Variants in USP35 observed in about 807,000 individuals in gnomAD.
USP35 encodes the protein ubiquitin specific peptidase 35.
Under a neutral mutation model 83.8 loss-of-function variants are expected in USP35, and 69 were observed. That is an observed-to-expected ratio of 0.82 (90% confidence interval 0.68 to 1.01). USP35 has a LOEUF of 1.01. Ranked by LOEUF, USP35 falls within the 50% of genes least tolerant of loss-of-function variation. USP35 has a pLI of 0.00. For missense variants in USP35, 1,503 were observed against 1,362.5 expected (o/e 1.10, Z -1.62); for synonymous variants, 714 against 589.5 (o/e 1.21, Z -3.06).
At chr11:78,205,683 C>T (rs145036764) in intron 6 of USP35, among the ~76,000 whole-genome samples, 159 bp from the exon 7 acceptor site, 36 of 152,250 alleles carry the variant, frequency 2.4e-4, no homozygotes, top group African/African-American at 7.2e-4. Flanking sequence ...GGTTTGGAAG[C>T]AGGGGGCTGT....
At chr11:78,200,058 C>T (rs571803061) in intron 4 of USP35, 75 bp from the exon 5 acceptor site, 5 of 1,508,998 alleles carry the variant, frequency 3.3e-6, no homozygotes, top group African/African-American at 1.4e-5. Context: ...TCTCTGAGTC[C>T]CCTCTCAGGC....
chr11:78,209,676 C>T lies in USP35; in HGVS notation c.1821C>T (p.Arg607=). The change falls in exon 10 of 11, where the codon CGC becomes CGT. Residue 607 remains arginine (R), a synonymous_variant. Transcript: ENST00000529308. The part of the protein sequence containing the change: ...SLAFPPPERC[R]RRRLGSVMRP... ...CCTTCCCTCCTCCTGAGCGCTGTCG[C>T]CGCCGCCGCCTGGGCTCTGTGATGC... 3.7e-6 allele frequency: 6 copies of T among 1,613,546 alleles called. No individual in the cohort carries two copies. In the South Asian group the frequency reaches 6.6e-5, roughly 18 times the overall value.
At chr11:78,204,186 G>A (rs1376079137) in intron 6 of USP35, among the ~76,000 whole-genome samples, 5 of 152,150 alleles carry the variant, frequency 3.3e-5, no homozygotes, top group Admixed American at 6.5e-5. Context: ...CACCGCGCCC[G>A]GCCTATTTTT....
chr11:78,207,385 C>T, intron 7 of USP35, 145 bp from the exon 8 acceptor site: 1 of 728,260 alleles, frequency 1.4e-6, no homozygotes, highest in South Asian at 1.7e-5. Flanking sequence ...TCCTCCTCCC[C>T]AGCCCCTGGC....
At chr11:78,235,284 C>T in the USP35 span, among the ~76,000 whole-genome samples, 1 of 151,866 alleles carries the variant, frequency 6.6e-6, no homozygotes, top group Non-Finnish European at 1.5e-5. Flanking sequence ...TCCCGAGTAG[C>T]TGGGACTAAA....
the USP35 span, among the ~76,000 whole-genome samples, chr11:78,231,336 G>GTGTGCGTGTGT: frequency 2.1e-5 from 3 of 145,796 alleles, no homozygotes; most frequent in African/African-American, 7.8e-5. Context: ...GCGCGTGTGT[G>GTGTGCGTGTGT]GTGTGTGTGT....
At chr11:78,213,380 G>T (rs570220957) in intron 10 of USP35, among the ~76,000 whole-genome samples, 1 of 152,140 alleles carries the variant, frequency 6.6e-6, no homozygotes, top group East Asian at 1.9e-4. Flanking sequence ...CAGACCTCTC[G>T]GTACCACATT....
At chr11:78,226,650 A>G in the USP35 span, 299 of 1,613,910 alleles carry the variant, frequency 1.9e-4, no homozygotes, top group Middle Eastern at 2.6e-3. Context: ...AGGAGTGGCC[A>G]CTGTCATGGC....
intron 4 of USP35, 114 bp downstream of exon 4, chr11:78,199,838 G>T (rs1046639991): frequency 6.5e-7 from 1 of 1,531,202 alleles, no homozygotes; most frequent in Non-Finnish European, 8.9e-7. Context: ...CTCGCTGTGT[G>T]ACCTGGGCGA....
rs779720345 is a variant in USP35, at chr11:78,213,850, G to C, written c.*37G>C. 2.0e-6 allele frequency: 3 copies of C among 1,531,744 alleles called. No individual in the cohort carries two copies. Among genetic ancestry groups the C allele is most frequent in the Non-Finnish European group, 2.6e-6 (3 of 1,150,856 alleles). 94.9% of individuals were successfully genotyped at this position (1,531,744 alleles called of 1,614,324 possible). On this transcript the variant is annotated 3_prime_UTR_variant, in exon 11 of 11. Transcript: ENST00000529308. Reference sequence around the variant, plus strand: ...TGCCAACCTGACCCCTTCCCTCCAGGAGCCAGGTAGGGCCTGAGGGAAGCT... The same window carrying C: ...TGCCAACCTGACCCCTTCCCTCCAGCAGCCAGGTAGGGCCTGAGGGAAGCT...
chr11:78,210,831 TAA>T, intron 10 of USP35, 87 bp downstream of exon 10: 1 of 1,367,752 alleles, frequency 7.3e-7, no homozygotes, highest in Non-Finnish European at 9.7e-7. Context: ...ATTTCCCCTC[TAA>T]GTCTTTTTTG....
chr11:78,226,896 G>A, the USP35 span: 2 of 1,614,096 alleles, frequency 1.2e-6, no homozygotes, highest in South Asian at 1.1e-5. Context: ...TCTGAATTCT[G>A]TATTGTGCCG....
intron 3 of USP35, 89 bp downstream of exon 3, chr11:78,198,157 C>A: frequency 6.3e-7 from 1 of 1,576,898 alleles, no homozygotes; most frequent in Non-Finnish European, 8.6e-7. Flanking sequence ...GGCCGCTGGG[C>A]TAGATTTGGA....
chr11:78,192,883 C>T (rs948977191), intron 1 of USP35, among the ~76,000 whole-genome samples: 2 of 152,204 alleles, frequency 1.3e-5, no homozygotes, highest in Non-Finnish European at 2.9e-5. Context: ...GTCTGATACT[C>T]TTTCTACTCT....
At position 78,210,518 on chromosome 11, in the gene USP35, A is replaced by G. The variant is rs558123443; in HGVS notation, c.2663A>G (p.Asn888Ser). The change falls in exon 10 of 11, where the codon AAC (asparagine) becomes AGC (serine). Residue 888 changes from asparagine to serine, a missense_variant. Coordinates refer to ENST00000529308, the MANE Select transcript of USP35 (RefSeq NM_020798.4). Reference sequence around the variant, plus strand: ...ACTGCCGATAGGCCAGAGCCCGAGAACCAGTGGTACCTGTTCAATGACACT... The same window carrying G: ...ACTGCCGATAGGCCAGAGCCCGAGAGCCAGTGGTACCTGTTCAATGACACT... ...LGTADRPEPE[N>S]QWYLFNDTRV... The G allele has an allele frequency of 1.2e-6, 2 of 1,613,698 alleles. No individual in the cohort carries two copies. The highest frequency in any genetic ancestry group is 2.2e-5 in the East Asian group (1 of 44,860).
chr11:78,229,507 T>C, the USP35 span, among the ~76,000 whole-genome samples: 2 of 152,076 alleles, frequency 1.3e-5, no homozygotes, highest in Non-Finnish European at 2.9e-5. Context: ...CTGGAACTCT[T>C]CTCCTCCTGC....
the USP35 span, among the ~76,000 whole-genome samples, chr11:78,235,276 C>G: frequency 1.3e-5 from 2 of 151,828 alleles, no homozygotes; most frequent in Non-Finnish European, 2.9e-5. Context: ...CCTCAGTCTC[C>G]CGAGTAGCTG....
At chr11:78,193,754 A>G (rs1863065691) in intron 1 of USP35, among the ~76,000 whole-genome samples, 1 of 152,196 alleles carries the variant, frequency 6.6e-6, no homozygotes, top group Admixed American at 6.5e-5. Context: ...AAACAACAAC[A>G]ACAACAACAA....
intron 8 of USP35, among the ~76,000 whole-genome samples, chr11:78,207,882 G>A (rs1008816271): frequency 2.0e-5 from 3 of 152,252 alleles, no homozygotes; most frequent in African/African-American, 7.2e-5. Flanking sequence ...TCGCATTATG[G>A]TGTTGCCATA....
Sources: allele counts gnomAD v4.1 joint callset (sites outside exome capture counted in the v4.1 genomes callset), GRCh38; gene constraint gnomAD v4.1.1; transcripts MANE v1.5; gene names NCBI Gene and HGNC (gene_info 2026-07-23, HGNC 2026-07-21).